TCF12: variants seen among roughly 807,000 people sequenced by gnomAD.
TCF12 encodes transcription factor 12, also known as DNA-binding protein HTF4.
A neutral mutation model predicts 86.0 loss-of-function variants in TCF12; 45 were observed. That is an observed-to-expected ratio of 0.52 (90% CI 0.41 to 0.67). TCF12 has a LOEUF of 0.67. Among genes scored for constraint, TCF12 ranks in the 30% least tolerant of loss-of-function variants. The pLI is 0.00. For missense variants in TCF12, 881 were observed against 859.9 expected (o/e 1.02, Z -0.31); for synonymous variants, 330 against 299.6 (o/e 1.10, Z -1.05).
chr15:57,148,411 T>A (rs201215846), intron 5 of TCF12, among the ~76,000 whole-genome samples: 1 of 144,750 alleles, frequency 6.9e-6, no homozygotes. Flanking sequence ...AGACTTTGTT[T>A]AAAAAAAAAA....
At chr15:57,081,526 A>C (rs2070657248) in intron 4 of TCF12, among the ~76,000 whole-genome samples, 1 of 152,070 alleles carries the variant, frequency 6.6e-6, no homozygotes, top group South Asian at 2.1e-4. Context: ...TGCTATTATT[A>C]TTTTTATTAT....
At chr15:56,931,010 G>A (rs1249988950) in intron 3 of TCF12, among the ~76,000 whole-genome samples, 1 of 151,852 alleles carries the variant, frequency 6.6e-6, no homozygotes, top group Admixed American at 6.6e-5. Flanking sequence ...CTGGCCCCAT[G>A]GATTTTAGAA....
chr15:56,967,018 A>G (rs547518105), intron 3 of TCF12, among the ~76,000 whole-genome samples: 1 of 152,266 alleles, frequency 6.6e-6, no homozygotes, highest in Non-Finnish European at 1.5e-5. Flanking sequence ...GCTACTCGGG[A>G]GGCTGAGACA....
At chr15:56,984,217 AC>A (rs1399845485) in intron 3 of TCF12, among the ~76,000 whole-genome samples, 3 of 148,010 alleles carry the variant, frequency 2.0e-5, no homozygotes, top group Non-Finnish European at 4.5e-5. Flanking sequence ...TGTGCATACA[AC>A]TATATACAAA....
At chr15:56,960,707 G>A (rs1181034889) in intron 3 of TCF12, among the ~76,000 whole-genome samples, 1 of 151,664 alleles carries the variant, frequency 6.6e-6, no homozygotes, top group East Asian at 1.9e-4. Context: ...TGGGATTACA[G>A]GTGTAAACCA....
At chr15:57,013,087 A>G (rs2064934090) in intron 3 of TCF12, among the ~76,000 whole-genome samples, 2 of 152,056 alleles carry the variant, frequency 1.3e-5, no homozygotes, top group East Asian at 3.9e-4. Context: ...ATTTCCATAT[A>G]CATAGTCTCT....
rs146770036 is a variant in TCF12, at chr15:57,068,174, G to A, written c.222+4351G>A. Among the ~76,000 whole-genome samples the A allele has an allele frequency of 1.5e-3, 226 of 152,084 alleles. 1 individual carries two copies. The highest frequency in any genetic ancestry group is 3.5e-3 in the East Asian group (18 of 5,174). ...AAGTTATTTAAATCTAGTGTACTTC[G>A]GTTTAGTCATCTGTGAAATGGGGAT... is the stretch of plus-strand genomic sequence containing the variant. On this transcript the variant is annotated intron_variant, in intron 4 of 20. Transcript: ENST00000333725.
rs577664053 is a variant in TCF12, at chr15:56,992,088, T to C, written c.148+70990T>C. ...TGGCAATACAGTGAGATCGTGTCTC[T>C]ACTAAAAAAAAGCCAAAAAGAAAAA... On this transcript the variant is annotated intron_variant, in intron 3 of 20. Transcript: ENST00000333725. Among the ~76,000 whole-genome samples, 12 of 151,054 alleles carry C rather than the reference T, an allele frequency of 7.9e-5. No homozygotes were observed. In the East Asian group the frequency reaches 2.3e-3, roughly 29 times the overall value.
At chr15:57,161,870 A>C (rs560176762) in intron 5 of TCF12, among the ~76,000 whole-genome samples, 1 of 152,346 alleles carries the variant, frequency 6.6e-6, no homozygotes, top group East Asian at 1.9e-4. Flanking sequence ...GCTAAATCTT[A>C]TTAATGTGTT....
rs2059955319 is a variant in TCF12 at position 56,925,244 on chromosome 15, C to T, written c.148+4146C>T. On this transcript the variant is annotated intron_variant, in intron 3 of 20. Transcript: ENST00000333725. ...CACAAACAAATGGTGTCCACCGCCC[C>T]CCCACCCCCCCGCCCCAACCCCGTA... 2.1e-5 allele frequency among the ~76,000 whole-genome samples: 3 copies of T among 141,112 alleles called. No homozygotes were observed. The South Asian group carries it at 7.8e-4, about 37-fold the overall frequency. The allele number at this position is 141,112 out of a possible 152,430, so 92.6% of individuals were successfully genotyped here.
intron 3 of TCF12, among the ~76,000 whole-genome samples, chr15:57,000,076 G>C (rs1216756839): frequency 1.3e-5 from 2 of 152,020 alleles, no homozygotes; most frequent in African/African-American, 4.8e-5. Context: ...TCATTCACTT[G>C]TGCAGTAATA....
chr15:57,028,295 G>A (rs528883986), intron 3 of TCF12, among the ~76,000 whole-genome samples: 1 of 152,172 alleles, frequency 6.6e-6, no homozygotes, highest in Non-Finnish European at 1.5e-5. Flanking sequence ...ACCCAGTCTC[G>A]GGTATTTCTT....
intron 19 of TCF12, chr15:57,281,545 C>G (rs950894689): frequency 9.9e-5 from 15 of 152,244 alleles, no homozygotes; most frequent in African/African-American, 3.4e-4. Flanking sequence ...AGCAATCCAG[C>G]AAAGCTTCAT....
chr15:56,971,424 CAAAAA>C (rs1213778426), intron 3 of TCF12, among the ~76,000 whole-genome samples: 1 of 149,348 alleles, frequency 6.7e-6, no homozygotes, highest in African/African-American at 2.5e-5. Context: ...GACTTTATCT[CAAAAA>C]AGAAAAAAAA....
At chr15:56,977,806 T>C (rs544916264) in intron 3 of TCF12, among the ~76,000 whole-genome samples, 1 of 152,204 alleles carries the variant, frequency 6.6e-6, no homozygotes, top group African/African-American at 2.4e-5. Context: ...GATACTTCTA[T>C]AGAGCTTCTC....
At chr15:57,160,511 T>C (rs1198800078) in intron 5 of TCF12, among the ~76,000 whole-genome samples, 3 of 152,176 alleles carry the variant, frequency 2.0e-5, no homozygotes, top group Non-Finnish European at 4.4e-5. Context: ...AGGCACCTTC[T>C]AACCTTTGCG....
chr15:57,065,328 T>C (rs2096700912), intron 4 of TCF12, among the ~76,000 whole-genome samples: 1 of 152,242 alleles, frequency 6.6e-6, no homozygotes, highest in South Asian at 2.1e-4. Flanking sequence ...CTATTTAATC[T>C]TGGACGCATT....
intron 12 of TCF12, among the ~76,000 whole-genome samples, chr15:57,242,149 C>G (rs1261210976): frequency 1.3e-5 from 2 of 152,086 alleles, no homozygotes; most frequent in Non-Finnish European, 2.9e-5. Context: ...AATTGGGTCT[C>G]TTTAAATTCA....
At chr15:57,124,313 TG>T (rs1204989734) in intron 5 of TCF12, among the ~76,000 whole-genome samples, 1 of 152,150 alleles carries the variant, frequency 6.6e-6, no homozygotes, top group Non-Finnish European at 1.5e-5. Context: ...AGCAAAACAT[TG>T]ATGTGAGGAA....
Sources: gnomAD v4.1 joint callset for allele counts (sites outside exome capture counted in the v4.1 genomes callset) on GRCh38, gnomAD v4.1.1 for gene constraint, MANE v1.5 for transcripts, NCBI Gene and HGNC (gene_info 2026-07-23, HGNC 2026-07-21) for gene names.